FAM222B: variants seen among roughly 807,000 people sequenced by gnomAD.
FAM222B encodes the protein protein FAM222B.
A neutral mutation model predicts 38.0 loss-of-function variants in FAM222B; 12 were observed. That is an observed-to-expected ratio of 0.32 (90% confidence interval 0.20 to 0.51). The LOEUF is 0.51. Among genes scored for constraint, FAM222B ranks in the 20% least tolerant of loss-of-function variants. The pLI, the probability that FAM222B is intolerant of heterozygous loss-of-function variation, is 0.97. For missense variants in FAM222B, 716 were observed against 754.2 expected (o/e 0.95, Z 0.59); for synonymous variants, 329 against 317.2 (o/e 1.04, Z -0.40).
chr17:28,765,865 A>G (rs2035305422), intron 2 of FAM222B, among the ~76,000 whole-genome samples: 1 of 152,194 alleles, frequency 6.6e-6, no homozygotes, highest in African/African-American at 2.4e-5. Context: ...TGTGAACTAA[A>G]GTCACACTGA....
intron 1 of FAM222B, among the ~76,000 whole-genome samples, chr17:28,820,400 A>C (rs558296221): frequency 6.6e-6 from 1 of 152,314 alleles, no homozygotes; most frequent in African/African-American, 2.4e-5. Context: ...CACTCTTCAA[A>C]GCCTAACTGC....
chr17:28,851,074 G>T (rs955715957), intron 1 of FAM222B, among the ~76,000 whole-genome samples: 2 of 151,596 alleles, frequency 1.3e-5, no homozygotes, highest in Non-Finnish European at 2.9e-5. Context: ...AGCTGAGATC[G>T]CACCGCTGCA....
intron 1 of FAM222B, among the ~76,000 whole-genome samples, chr17:28,810,188 G>C (rs1252842348): frequency 6.6e-6 from 1 of 151,800 alleles, no homozygotes; most frequent in Non-Finnish European, 1.5e-5. Flanking sequence ...GGTAGAGACG[G>C]GGTTTTCACC....
intron 1 of FAM222B, among the ~76,000 whole-genome samples, chr17:28,840,659 T>TA (rs1474148605): frequency 2.0e-5 from 3 of 152,060 alleles, no homozygotes; most frequent in African/African-American, 7.2e-5. Context: ...TTTTATAATT[T>TA]AAAAATAATA....
intron 1 of FAM222B, among the ~76,000 whole-genome samples, chr17:28,815,331 A>G (rs1013021510): frequency 2.0e-5 from 3 of 151,446 alleles, no homozygotes; most frequent in Non-Finnish European, 4.4e-5. Flanking sequence ...CTCCTGCCTC[A>G]GCCTCCCAAG....
In FAM222B at chr17:28,758,752, A is replaced by G; in HGVS notation, c.1207T>C (p.Phe403Leu). Residue 403 changes from phenylalanine to leucine, a missense_variant, in exon 3 of 3, where the codon TTT (phenylalanine) becomes CTT (leucine). By Grantham distance (22) the Phe-to-Leu change is conservative. Coordinates refer to ENST00000581407, the MANE Select transcript of FAM222B (RefSeq NM_001077498.3). The stretch of plus-strand genomic sequence containing the variant: ...GGGTAGGCAGGGGCCTTGCCCACAA[A>G]GCCAGGCCCTGCCAACTCGCGTCCT... The part of the protein sequence containing the change: ...AAGRELAGPG[F>L]VGKAPAYPQE... 6.3e-7 allele frequency: 1 copy of G among 1,576,218 alleles called. No homozygotes were observed.
intron 1 of FAM222B, among the ~76,000 whole-genome samples, chr17:28,800,670 TTG>T (rs947646499): frequency 2.0e-5 from 3 of 152,062 alleles, no homozygotes; most frequent in Non-Finnish European, 4.4e-5. Context: ...AAGGTTCTTT[TTG>T]TCTCTCTGGA....
At chr17:28,810,386 T>C (rs2037698506) in intron 1 of FAM222B, among the ~76,000 whole-genome samples, 1 of 152,188 alleles carries the variant, frequency 6.6e-6, no homozygotes, top group Admixed American at 6.5e-5. Context: ...TTTTATATAC[T>C]AGCTAACTTT....
At chr17:28,810,357 T>C (rs900638564) in intron 1 of FAM222B, among the ~76,000 whole-genome samples, 1 of 152,228 alleles carries the variant, frequency 6.6e-6, no homozygotes, top group African/African-American at 2.4e-5. Context: ...CACTTTGTTT[T>C]ATATACTAGC....
chr17:28,769,788 TTTC>T (rs1172866978), intron 1 of FAM222B, among the ~76,000 whole-genome samples: 4 of 152,146 alleles, frequency 2.6e-5, no homozygotes, highest in Non-Finnish European at 5.9e-5. Context: ...CTCACCATGG[TTTC>T]CCTGCAGTTC....
intron 1 of FAM222B, among the ~76,000 whole-genome samples, chr17:28,834,100 TC>T (rs1182788695): frequency 6.6e-6 from 1 of 152,158 alleles, no homozygotes; most frequent in African/African-American, 2.4e-5. Context: ...TTAGTTACTC[TC>T]CTAAAAAGTT....
At chr17:28,824,566 A>AATAATATAGAAGTTATCCATGATTCCTT (rs1454455902) in intron 1 of FAM222B, among the ~76,000 whole-genome samples, 1 of 152,128 alleles carries the variant, frequency 6.6e-6, no homozygotes, top group East Asian at 1.9e-4. Context: ...TGCTCCAGTC[A>AATAATATAGAAGTTATCCATGATTCCTT]ATAATATAGA....
intron 1 of FAM222B, among the ~76,000 whole-genome samples, chr17:28,804,951 C>G (rs1031597769): frequency 1.3e-5 from 2 of 151,530 alleles, no homozygotes; most frequent in Admixed American, 1.3e-4. Flanking sequence ...GAGGCTGAGG[C>G]GGGGGAATGG....
At chr17:28,824,168 C>T (rs980630608) in intron 1 of FAM222B, among the ~76,000 whole-genome samples, 5 of 151,624 alleles carry the variant, frequency 3.3e-5, no homozygotes, top group Non-Finnish European at 7.4e-5. Flanking sequence ...TGAGCCACCA[C>T]GCCCGGCCGA....
At chr17:28,810,942 G>A (rs1431812386) in intron 1 of FAM222B, among the ~76,000 whole-genome samples, 1 of 152,014 alleles carries the variant, frequency 6.6e-6, no homozygotes, top group Non-Finnish European at 1.5e-5. Context: ...GTGTAAGACA[G>A]CTCCAGTGTA....
At chr17:28,840,858 G>A (rs2039012967) in intron 1 of FAM222B, among the ~76,000 whole-genome samples, 1 of 152,022 alleles carries the variant, frequency 6.6e-6, no homozygotes, top group Non-Finnish European at 1.5e-5. Flanking sequence ...GTACTAGGGA[G>A]GCTGAGGCAG....
intron 1 of FAM222B, among the ~76,000 whole-genome samples, chr17:28,784,263 C>G (rs1167959150): frequency 1.3e-5 from 2 of 151,624 alleles, no homozygotes; most frequent in Admixed American, 6.6e-5. Context: ...TGCTTGAGGC[C>G]AGGAATTTAA....
chr17:28,767,407 C>T (rs755189280), intron 1 of FAM222B, among the ~76,000 whole-genome samples: 4 of 152,060 alleles, frequency 2.6e-5, no homozygotes, highest in Non-Finnish European at 5.9e-5. Context: ...ATCCGCCCAC[C>T]TCGGCCTCCC....
At chr17:28,815,657 T>G (rs1404032665) in intron 1 of FAM222B, among the ~76,000 whole-genome samples, 1 of 151,934 alleles carries the variant, frequency 6.6e-6, no homozygotes, top group East Asian at 1.9e-4. Flanking sequence ...TGAAACCCTG[T>G]CTCTACAAAA....
Sources: allele counts gnomAD v4.1 joint callset (sites outside exome capture counted in the v4.1 genomes callset), GRCh38; gene constraint gnomAD v4.1.1; transcripts MANE v1.5; gene names NCBI Gene and HGNC (gene_info 2026-07-23, HGNC 2026-07-21).